DNAH14: variants seen among roughly 807,000 people sequenced by gnomAD.
DNAH14 encodes axonemal beta dynein heavy chain 14.
In DNAH14, 478 loss-of-function variants were observed where a neutral mutation model predicts 520.9. The ratio of observed to expected loss-of-function variants is 0.92; its 90% CI spans 0.85 to 0.99. The LOEUF (loss-of-function observed/expected upper bound fraction) is 0.99, where lower values mean the gene tolerates loss of function less well. Ranked by LOEUF, DNAH14 falls within the 50% of genes least tolerant of loss-of-function variation. DNAH14 has a pLI of 0.00. For synonymous variants in DNAH14, 1,581 were observed against 1,757.2 expected (o/e 0.90, Z 2.51); for missense variants, 4,831 against 5,234.5 (o/e 0.92, Z 2.38).
chr1:225,011,758 C>CTTTTTTTTTTT (rs200216236), intron 10 of DNAH14, among the ~76,000 whole-genome samples: 1 of 82,156 alleles, frequency 1.2e-5, no homozygotes, highest in African/African-American at 6.0e-5. Context: ...GCAACCTCTG[C>CTTTTTTTTTTT]TTTTTTTTTT....
intron 8 of DNAH14, among the ~76,000 whole-genome samples, chr1:224,975,675 C>A (rs2061777049): frequency 6.6e-6 from 1 of 151,114 alleles, no homozygotes. Flanking sequence ...TTCAAAAAAC[C>A]AGCTCCTGGA....
At chr1:225,364,150 T>C (rs1222560378) in intron 75 of DNAH14, among the ~76,000 whole-genome samples, 1 of 152,244 alleles carries the variant, frequency 6.6e-6, no homozygotes, top group Non-Finnish European at 1.5e-5. Flanking sequence ...GTGATATCAA[T>C]CTGTCTCATT....
At chr1:225,077,786 A>G (rs917445907) in intron 17 of DNAH14, among the ~76,000 whole-genome samples, 30 of 152,328 alleles carry the variant, frequency 2.0e-4, no homozygotes, top group African/African-American at 7.2e-4. Flanking sequence ...AGACACACAC[A>G]TGCCCCATAA....
At position 225,267,144 on chromosome 1, in the gene DNAH14, C is replaced by T. The variant is rs377580885; in HGVS notation, c.7539+375C>T. Among the ~76,000 whole-genome samples, 10 of 152,062 alleles carry T rather than the reference C, an allele frequency of 6.6e-5. No homozygotes were observed. In the East Asian group the frequency reaches 1.9e-3, roughly 29 times the overall value. Reference sequence around the variant, plus strand: ...TGAAAATATGGCCCACCAGATGCATCCTTAATGTCTATATAAGATTACTCT... The same window carrying T: ...TGAAAATATGGCCCACCAGATGCATTCTTAATGTCTATATAAGATTACTCT... On this transcript the variant is annotated intron_variant, in intron 49 of 85. Transcript: ENST00000682510.
At chr1:225,364,697 G>T (rs186418560) in intron 75 of DNAH14, 95 bp from the exon 76 acceptor site, 3 of 853,064 alleles carry the variant, frequency 3.5e-6, no homozygotes, top group South Asian at 2.1e-5. Flanking sequence ...AAAATGATTC[G>T]TAAGGCCACT....
chr1:225,106,415 T>G (rs955820696), intron 23 of DNAH14, among the ~76,000 whole-genome samples: 41 of 152,178 alleles, frequency 2.7e-4, no homozygotes, highest in African/African-American at 9.4e-4. Context: ...TTTGCTGAAG[T>G]TGAATGTTGG....
chr1:225,071,698 T>A (rs1358338251), intron 17 of DNAH14, among the ~76,000 whole-genome samples: 1 of 152,218 alleles, frequency 6.6e-6, no homozygotes, highest in Non-Finnish European at 1.5e-5. Flanking sequence ...TCAGCATGAC[T>A]GTGAAGGCCT....
At chr1:225,384,443 G>A (rs936203009) in intron 81 of DNAH14, among the ~76,000 whole-genome samples, 1 of 152,068 alleles carries the variant, frequency 6.6e-6, no homozygotes, top group Non-Finnish European at 1.5e-5. Context: ...CCAGAAGCTG[G>A]TTTTCTGAAA....
chr1:224,952,924 T>A, intron 2 of DNAH14, 145 bp downstream of exon 2: 1 of 532,766 alleles, frequency 1.9e-6, no homozygotes, highest in Non-Finnish European at 3.0e-6. Flanking sequence ...AAAACCTTAG[T>A]TTCTCAGGGA....
chr1:225,388,331 C>G (rs759046305), intron 81 of DNAH14, 48 bp from the exon 82 acceptor site: 10 of 1,229,760 alleles, frequency 8.1e-6, no homozygotes, highest in Non-Finnish European at 1.1e-5. Context: ...CCTAATGACC[C>G]CAAAGACAAA....
intron 38 of DNAH14, among the ~76,000 whole-genome samples, chr1:225,200,041 T>C (rs1250213030): frequency 3.3e-5 from 5 of 151,868 alleles, no homozygotes; most frequent in Admixed American, 3.3e-4. Flanking sequence ...ATATTTAGGA[T>C]TGTGATATTT....
intron 82 of DNAH14, among the ~76,000 whole-genome samples, 183 bp from the exon 83 acceptor site, chr1:225,389,551 C>T (rs1485126687): frequency 6.6e-6 from 1 of 152,194 alleles, no homozygotes; most frequent in Non-Finnish European, 1.5e-5. Flanking sequence ...CTTTGTGGTC[C>T]CCTTTTCCCT....
intron 4 of DNAH14, among the ~76,000 whole-genome samples, chr1:224,961,627 C>T (rs2060851430): frequency 6.6e-6 from 1 of 152,056 alleles, no homozygotes; most frequent in African/African-American, 2.4e-5. Context: ...ATCATGAGAA[C>T]AACATGGGGG....
chr1:225,257,787 G>A (rs976714814), intron 44 of DNAH14, among the ~76,000 whole-genome samples, 173 bp from the exon 45 acceptor site: 10 of 151,566 alleles, frequency 6.6e-5, no homozygotes, highest in African/African-American at 2.4e-4. Context: ...TGCCAGCCTT[G>A]GCCTCCCAAA....
intron 54 of DNAH14, among the ~76,000 whole-genome samples, chr1:225,285,685 C>G (rs1468210166): frequency 6.6e-6 from 1 of 152,020 alleles, no homozygotes; most frequent in Non-Finnish European, 1.5e-5. Context: ...AATGAGACCC[C>G]CTTCTTACAA....
At chr1:225,178,584 C>T (rs2083600346) in intron 36 of DNAH14, among the ~76,000 whole-genome samples, 1 of 152,106 alleles carries the variant, frequency 6.6e-6, no homozygotes, top group Non-Finnish European at 1.5e-5. Context: ...GATGCCTGTA[C>T]CCCCATTTAT....
At chr1:225,201,873 CTTTTTTTTT>C (rs35342713) in intron 38 of DNAH14, among the ~76,000 whole-genome samples, 1 of 122,548 alleles carries the variant, frequency 8.2e-6, no homozygotes. Context: ...TTCTTTCTTC[CTTTTTTTTT>C]TTTTTTTTTT....
chr1:225,386,244 G>A (rs1057125600), intron 81 of DNAH14, among the ~76,000 whole-genome samples: 1 of 152,180 alleles, frequency 6.6e-6, no homozygotes, highest in African/African-American at 2.4e-5. Context: ...ATGGATTAAA[G>A]ACTTAAATGT....
At chr1:225,355,778 A>C (rs1237717086) in intron 73 of DNAH14, among the ~76,000 whole-genome samples, 1 of 152,176 alleles carries the variant, frequency 6.6e-6, no homozygotes, top group Non-Finnish European at 1.5e-5. Flanking sequence ...TTAACCCTTT[A>C]AGCATGCAGT....
Sources: allele counts gnomAD v4.1 joint callset (sites outside exome capture counted in the v4.1 genomes callset), GRCh38; gene constraint gnomAD v4.1.1; transcripts MANE v1.5; gene names NCBI Gene and HGNC (gene_info 2026-07-23, HGNC 2026-07-21).